Variants in CHAF1A observed in about 807,000 individuals in gnomAD.
CHAF1A encodes chromatin assembly factor 1 subunit A.
A neutral mutation model predicts 93.2 loss-of-function variants in CHAF1A; 5 were observed. The ratio of observed to expected loss-of-function variants is 0.05; its 90% CI spans 0.03 to 0.11. The LOEUF is 0.11. Among genes scored for constraint, CHAF1A ranks in the 10% least tolerant of loss-of-function variants. CHAF1A has a pLI of 1.00. For synonymous variants in CHAF1A, 504 were observed against 510.3 expected, an observed-to-expected ratio of 0.99 and a Z score of 0.17; for missense variants, 1,102 against 1,259.9, an observed-to-expected ratio of 0.87 and a Z score of 1.90.
At position 4,440,267 on chromosome 19, in the gene CHAF1A, G is replaced by A. The variant is rs78578408; in HGVS notation, c.2674-1978G>A. The stretch of plus-strand genomic sequence containing the variant: ...CGTGGAGGCTCATGGTGGCCTCTAC[G>A]CATCCTGTCTTTCTCCTTTGGTGAA... On this transcript the variant is annotated intron_variant, in intron 13 of 14. Coordinates refer to ENST00000301280, the MANE Select transcript of CHAF1A (RefSeq NM_005483.3). 9.5e-3 allele frequency among the ~76,000 whole-genome samples: 1,446 copies of A among 152,164 alleles called. 20 individuals are homozygous for A. Among genetic ancestry groups the A allele is most frequent in the African/African-American group, 0.032 (1,333 of 41,506 alleles).
At chr19:4,419,385 T>G (rs983693771) in intron 4 of CHAF1A, among the ~76,000 whole-genome samples, 3 of 152,050 alleles carry the variant, frequency 2.0e-5, no homozygotes, top group Non-Finnish European at 4.4e-5. Flanking sequence ...AGCTTCCTGA[T>G]GGCCACACTG....
chr19:4,403,443 C>A (rs1973623866), intron 1 of CHAF1A, among the ~76,000 whole-genome samples: 1 of 152,264 alleles, frequency 6.6e-6, no homozygotes, highest in Non-Finnish European at 1.5e-5. Flanking sequence ...CTGTCCCTCT[C>A]CCTTGCTGGA....
chr19:4,437,926 A>G (rs1974315109), intron 13 of CHAF1A, among the ~76,000 whole-genome samples: 1 of 151,988 alleles, frequency 6.6e-6, no homozygotes, highest in Non-Finnish European at 1.5e-5. Context: ...TTTTTTTAGT[A>G]GAGACGGGGT....
At chr19:4,417,653 G>A (rs1010553966) in intron 3 of CHAF1A, among the ~76,000 whole-genome samples, 2 of 151,992 alleles carry the variant, frequency 1.3e-5, no homozygotes, top group Non-Finnish European at 2.9e-5. Context: ...TAGAGATGGG[G>A]TTTTGCCACG....
chr19:4,447,846 C>A, downstream of CHAF1A: 1 of 575,262 alleles, frequency 1.7e-6, no homozygotes, highest in Non-Finnish European at 3.1e-6. Context: ...CCCCACGGAA[C>A]CCCTCACCGT....
intron 4 of CHAF1A, among the ~76,000 whole-genome samples, chr19:4,418,409 C>CTTT (rs10549561): frequency 1.9e-4 from 20 of 107,070 alleles, no homozygotes; most frequent in African/African-American, 4.5e-4. Flanking sequence ...AGTCCTGTCT[C>CTTT]TTTTTTTTTT....
intron 2 of CHAF1A, among the ~76,000 whole-genome samples, chr19:4,408,629 A>G (rs2267945): frequency 0.36 from 53,618 of 150,054 alleles, 10,014 homozygotes; most frequent in Non-Finnish European, 0.42. Flanking sequence ...GTGTGCCACC[A>G]TGGCCTGGCT....
At chr19:4,439,937 C>T (rs908522077) in intron 13 of CHAF1A, among the ~76,000 whole-genome samples, 1 of 152,142 alleles carries the variant, frequency 6.6e-6, no homozygotes, top group Non-Finnish European at 1.5e-5. Context: ...CCCATGCTGC[C>T]TGGGGAGAGG....
chr19:4,447,466 G>A (rs984845781), downstream of CHAF1A: 63 of 1,470,658 alleles, frequency 4.3e-5, no homozygotes, highest in African/African-American at 2.6e-4. Flanking sequence ...GGAGCCCACC[G>A]CCTGGTGTGG....
downstream of CHAF1A, chr19:4,445,782 G>GGGACTCCA: frequency 8.0e-7 from 1 of 1,246,942 alleles, no homozygotes; most frequent in East Asian, 2.5e-5. Flanking sequence ...CTCTCCCTCC[G>GGGACTCCA]GGACTCCAGG....
chr19:4,436,697 C>T (rs1175753070), intron 13 of CHAF1A, among the ~76,000 whole-genome samples: 1 of 152,162 alleles, frequency 6.6e-6, no homozygotes, highest in East Asian at 1.9e-4. Flanking sequence ...TCTCCTCATG[C>T]TCCACACAGT....
chr19:4,446,360 T>C (rs1974519890), downstream of CHAF1A: 1 of 1,572,584 alleles, frequency 6.4e-7, no homozygotes, highest in Non-Finnish European at 8.6e-7. Context: ...CTGCTCCTCC[T>C]TCTCCCGCAT....
intron 13 of CHAF1A, among the ~76,000 whole-genome samples, chr19:4,435,087 CTTT>C (rs869255408): frequency 0.26 from 22,495 of 86,342 alleles, 1,148 homozygotes; most frequent in East Asian, 0.47. Context: ...CTTTTTTTTC[CTTT>C]TTTTTTTTTT....
chr19:4,432,320 AT>A, intron 12 of CHAF1A, 113 bp downstream of exon 12: 2 of 1,239,814 alleles, frequency 1.6e-6, no homozygotes, highest in Non-Finnish European at 2.2e-6. Context: ...CTTTCCACAA[AT>A]AACAGAGGCC....
In CHAF1A at chr19:4,409,599, C is replaced by G. The variant is rs542151351; in HGVS notation, c.800C>G (p.Pro267Arg). Residue 267 changes from proline to arginine, a missense_variant, in exon 3 of 15, where the codon CCT (proline) becomes CGT (arginine). Pro to Arg is a moderately radical substitution (Grantham distance 103). This residue lies in a region of CHAF1A where 379 missense variants were observed against 365.7 expected (regional missense o/e 1.04). Transcript: ENST00000301280. ...ACACCCCAAGGCAAGAACATGACCC[C>G]TGAGAGTGAGGTGCTGGAATCTTTC... ...PATPQGKNMT[P>R]ESEVLESFPE... is the part of the protein sequence containing the mutation. 3 of 1,614,038 alleles carry G rather than the reference C, an allele frequency of 1.9e-6. No individual in the cohort carries two copies. Among genetic ancestry groups the G allele is most frequent in the Non-Finnish European group, 2.5e-6 (3 of 1,180,034 alleles).
chr19:4,410,483 C>T (rs769765402), intron 3 of CHAF1A, among the ~76,000 whole-genome samples: 2 of 150,502 alleles, frequency 1.3e-5, no homozygotes, highest in African/African-American at 2.4e-5. Flanking sequence ...CAGGTTCAAG[C>T]GATTCTCCTG....
intron 13 of CHAF1A, among the ~76,000 whole-genome samples, chr19:4,437,705 C>CT (rs1174412066): frequency 6.6e-6 from 1 of 151,478 alleles, no homozygotes. Flanking sequence ...CTCGGTTACA[C>CT]TTTTTTTCCC....
downstream of CHAF1A, chr19:4,447,944 A>G (rs992536101): frequency 8.1e-6 from 4 of 493,710 alleles, no homozygotes; most frequent in South Asian, 4.4e-5. Context: ...GAAGGGCCGC[A>G]GTGCCAGCAG....
intron 3 of CHAF1A, among the ~76,000 whole-genome samples, chr19:4,411,886 T>TG (rs1973811927): frequency 6.6e-6 from 1 of 151,952 alleles, no homozygotes; most frequent in African/African-American, 2.4e-5. Context: ...TGACCTCAGG[T>TG]GATCCGCTTG....
Sources: gnomAD v4.1 joint callset for allele counts (sites outside exome capture counted in the v4.1 genomes callset) on GRCh38, gnomAD v4.1.1 for gene constraint, gnomAD v4.1.1 regional missense constraint, MANE v1.5 for transcripts, NCBI Gene and HGNC (gene_info 2026-07-23, HGNC 2026-07-21) for gene names.